The following ZBTB2 variants were observed in gnomAD, a reference collection of about 807,000 sequenced individuals.
ZBTB2 encodes zinc finger and BTB domain containing 2, also known as zinc finger and BTB domain-containing protein 2.
A neutral mutation model predicts 39.5 loss-of-function variants in ZBTB2; 2 were observed. The observed-to-expected ratio is 0.05, with a 90% CI of 0.02 to 0.16. The LOEUF is 0.16. ZBTB2 is among the 10% of genes least tolerant of loss of function. The probability of loss-of-function intolerance (pLI) is 1.00; values close to 1 mark genes in which losing one functional copy is unlikely to be tolerated. For synonymous variants in ZBTB2, 251 were observed against 256.6 expected, an observed-to-expected ratio of 0.98 and a Z score of 0.21; for missense variants, 391 against 653.0, an observed-to-expected ratio of 0.60 and a Z score of 4.37.
chr6:151,377,369 ATT>A (rs754374133), intron 1 of ZBTB2, among the ~76,000 whole-genome samples: 11 of 138,668 alleles, frequency 7.9e-5, no homozygotes, highest in Non-Finnish European at 7.9e-5. Context: ...ATAAAGTTCA[ATT>A]TTTTTTTTTT....
At chr6:151,390,319 T>G (rs1197090246) in intron 1 of ZBTB2, among the ~76,000 whole-genome samples, 2 of 136,390 alleles carry the variant, frequency 1.5e-5, no homozygotes, top group South Asian at 2.3e-4. Flanking sequence ...CGGGGCCCTC[T>G]GGCCCCCTCC....
Position 151,366,108 on chromosome 6 carries a change from G to A in ZBTB2, c.958C>T (p.Leu320=), listed in dbSNP as rs954261797. Residue 320 remains leucine, a synonymous_variant, in exon 3 of 3, where the codon CTG becomes TTG. Transcript: ENST00000325144. The surrounding 1 kb of genome is among the most constrained non-coding windows in gnomAD (Gnocchi z 7.1). ...ATGGGAGAATCAGAGATGTGCTGCA[G>A]CTCACTGTCACTTATCATCCCGGCT... ...PEAGMISDSE[L]QHISDSPIID... 4 of 1,614,190 alleles carry A rather than the reference G, an allele frequency of 2.5e-6. No individual in the cohort carries two copies. The highest frequency in any genetic ancestry group is 2.5e-6 in the Non-Finnish European group (3 of 1,180,032).
chr6:151,365,971 G>A lies in ZBTB2; in HGVS notation c.1095C>T (p.Cys365=). 2 of 1,614,166 alleles carry A rather than the reference G, an allele frequency of 1.2e-6. No individual in the cohort carries two copies. Among genetic ancestry groups the A allele is most frequent in the African/African-American group, 1.3e-5 (1 of 75,042 alleles). ...EREVKRRKYE[C]TICGRKFIQK... is the part of the protein sequence containing the mutation. ...GGATAAATTTGCGTCCACATATTGTGCACTCGTACTTCCGCCTCTTCACCT... is the reference window on the plus strand; with the variant it reads ...GGATAAATTTGCGTCCACATATTGTACACTCGTACTTCCGCCTCTTCACCT... The change falls in exon 3 of 3, where the codon TGC becomes TGT. Residue 365 remains cysteine, a synonymous_variant. Coordinates refer to ENST00000325144, the MANE Select transcript of ZBTB2 (RefSeq NM_020861.3). This position sits in a 1 kb window ranked among gnomAD's most constrained non-coding sequence, Gnocchi z 5.6.
chr6:151,371,333 TAAC>T (rs1185465823), intron 2 of ZBTB2, among the ~76,000 whole-genome samples: 3 of 152,130 alleles, frequency 2.0e-5, no homozygotes, highest in South Asian at 2.1e-4. Context: ...GGTACACACA[TAAC>T]AACATAGGGG....
intron 1 of ZBTB2, among the ~76,000 whole-genome samples, chr6:151,383,383 C>A (rs1197734162): frequency 6.6e-6 from 1 of 152,022 alleles, no homozygotes; most frequent in African/African-American, 2.4e-5. Context: ...GTGAGCTCTA[C>A]GAATGGATCA....
chr6:151,373,742 G>T, intron 1 of ZBTB2, 93 bp from the exon 2 acceptor site: 1 of 1,105,184 alleles, frequency 9.0e-7, no homozygotes, highest in Non-Finnish European at 1.2e-6. Flanking sequence ...TAGCTAACAT[G>T]TCATCATAGC....
At chr6:151,388,905 G>A (rs1475224504) in intron 1 of ZBTB2, among the ~76,000 whole-genome samples, 1 of 152,164 alleles carries the variant, frequency 6.6e-6, no homozygotes, top group Admixed American at 6.5e-5. Context: ...TATGCACTGG[G>A]ACTGTAGGAC....
chr6:151,389,870 T>G (rs975666282), intron 1 of ZBTB2, among the ~76,000 whole-genome samples: 2 of 152,092 alleles, frequency 1.3e-5, no homozygotes, highest in Non-Finnish European at 2.9e-5. Flanking sequence ...TACTACCAGC[T>G]AAAAGCGGCA....
In ZBTB2 at chr6:151,365,735, G is replaced by A. The variant is rs765110554; in HGVS notation, c.1331C>T (p.Thr444Ile). The change falls in exon 3 of 3, where the codon ACA (threonine) becomes ATA (isoleucine). Residue 444 changes from threonine to isoleucine, a missense_variant. Physicochemically the swap from Thr to Ile is moderately conservative, Grantham distance 89. Coordinates refer to ENST00000325144, the MANE Select transcript of ZBTB2 (RefSeq NM_020861.3). This position sits in a 1 kb window ranked among gnomAD's most constrained non-coding sequence, Gnocchi z 5.6. ...GSQMDNMLVQ[T>I]NKPYKCNLCD... The stretch of plus-strand genomic sequence containing the variant: ...CAAGTTGCATTTGTAGGGTTTGTTT[G>A]TTTGCACCAGCATGTTGTCCATCTG... 4 of 1,614,224 alleles carry A rather than the reference G, an allele frequency of 2.5e-6. No homozygotes were observed. The highest frequency in any genetic ancestry group is 3.4e-6 in the Non-Finnish European group (4 of 1,180,050).
chr6:151,385,574 C>T (rs956730866), intron 1 of ZBTB2, among the ~76,000 whole-genome samples: 1 of 152,196 alleles, frequency 6.6e-6, no homozygotes, highest in South Asian at 2.1e-4. Flanking sequence ...AATAGCTGTT[C>T]TAAGACACTA....
rs1248432511 is a variant in ZBTB2 at position 151,366,016 on chromosome 6, C to A, written c.1050G>T (p.Glu350Asp). 1 of 1,614,072 alleles carries A rather than the reference C, an allele frequency of 6.2e-7. No homozygotes were observed. Among genetic ancestry groups the A allele is most frequent in the African/African-American group, 1.3e-5 (1 of 74,924 alleles). Reference sequence around the variant, plus strand: ...TCACCTCCCTCTCCTGGTCGGCCTGCTCCAGGTTGTCAATGTCAGCAATGT... The same window carrying A: ...TCACCTCCCTCTCCTGGTCGGCCTGATCCAGGTTGTCAATGTCAGCAATGT... ...PSDIADIDNLEQADQEREVKR... is the reference protein window; with the variant it reads ...PSDIADIDNLDQADQEREVKR... The change falls in exon 3 of 3, where the codon GAG becomes GAT. Residue 350 changes from glutamate to aspartate, a missense_variant. Physicochemically the swap from Glu to Asp is conservative, Grantham distance 45. This residue lies in a region of ZBTB2 where 17 missense variants were observed against 67.6 expected (regional missense o/e 0.25). Coordinates refer to ENST00000325144, the MANE Select transcript of ZBTB2 (RefSeq NM_020861.3). The surrounding 1 kb of genome is among the most constrained non-coding windows in gnomAD (Gnocchi z 7.1).
At chr6:151,370,837 A>G (rs1291381047) in intron 2 of ZBTB2, among the ~76,000 whole-genome samples, 5 of 152,216 alleles carry the variant, frequency 3.3e-5, no homozygotes, top group Admixed American at 6.5e-5. Context: ...CTGCACTAGG[A>G]GGCAGGCAAA....
chr6:151,373,487 T>C lies in ZBTB2; in HGVS notation c.151A>G (p.Met51Val). ...VLASFSNYFK[M>V]LFVHQTSECV... ...TACCTGGTCTGATGGACAAACAACATCTTAAAGTAATTGGAGAATGAAGCA... is the reference window on the plus strand; with the variant it reads ...TACCTGGTCTGATGGACAAACAACACCTTAAAGTAATTGGAGAATGAAGCA... Residue 51 changes from methionine to valine, a missense_variant, in exon 2 of 3, where the codon ATG becomes GTG. Around this residue, in one of 7 missense-constraint regions of ZBTB2, gnomAD observed 38 missense variants for 109.2 expected, o/e 0.35. Transcript: ENST00000325144. The C allele has an allele frequency of 1.9e-6, 3 of 1,614,094 alleles. No individual in the cohort carries two copies. Among genetic ancestry groups the C allele is most frequent in the Non-Finnish European group, 2.5e-6 (3 of 1,180,010 alleles).
chr6:151,376,479 T>A (rs1339727783), intron 1 of ZBTB2, among the ~76,000 whole-genome samples: 1 of 152,026 alleles, frequency 6.6e-6, no homozygotes, highest in Non-Finnish European at 1.5e-5. Flanking sequence ...CTGGAATATA[T>A]AAAGAACTTT....
Position 151,366,571 on chromosome 6 carries a change from C to T in ZBTB2, c.495G>A (p.Arg165=). Residue 165 remains arginine (R), a synonymous_variant, in exon 3 of 3, where the codon AGG becomes AGA. Transcript: ENST00000325144. The surrounding 1 kb of genome is among the most constrained non-coding windows in gnomAD (Gnocchi z 7.1). Reference sequence around the variant, plus strand: ...CCTCAGGGACCTGCTCCTGGCTTATCCTGGAGGTCTGTGGCCGTGGATCTC... The same window carrying T: ...CCTCAGGGACCTGCTCCTGGCTTATTCTGGAGGTCTGTGGCCGTGGATCTC... ...LGRDPRPQTS[R]ISQEQVPEAS... is the part of the protein sequence containing the mutation. The T allele has an allele frequency of 6.2e-7, 1 of 1,614,050 alleles. No individual in the cohort carries two copies. Among genetic ancestry groups the T allele is most frequent in the Admixed American group, 1.7e-5 (1 of 59,998 alleles).
intron 1 of ZBTB2, chr6:151,378,131 G>A (rs1008597994): frequency 6.6e-6 from 1 of 152,122 alleles, no homozygotes; most frequent in African/African-American, 2.4e-5. Flanking sequence ...GCAGGTGCTG[G>A]ACTCCCTACT....
Position 151,366,622 on chromosome 6 carries a change from A to C in ZBTB2, c.444T>G (p.Ile148Met), listed in dbSNP as rs772365166. ...ADHQLRQATK[I>M]ASAPEKLGRD... is the part of the protein sequence containing the mutation. ...GCCCGAGTTTTTCAGGTGCTGAAGCAATCTTGGTGGCTTGTCTCAACTGAT... is the reference window on the plus strand; with the variant it reads ...GCCCGAGTTTTTCAGGTGCTGAAGCCATCTTGGTGGCTTGTCTCAACTGAT... Residue 148 changes from isoleucine (I) to methionine (M), a missense_variant, in exon 3 of 3, where the codon ATT (isoleucine) becomes ATG (methionine). Ile to Met is a conservative substitution (Grantham distance 10). This residue lies in a region of ZBTB2 where 175 missense variants were observed against 198.6 expected (regional missense o/e 0.88). Transcript: ENST00000325144. This position sits in a 1 kb window ranked among gnomAD's most constrained non-coding sequence, Gnocchi z 7.1. 6.2e-7 allele frequency: 1 copy of C among 1,614,028 alleles called. No homozygotes were observed. The highest frequency in any genetic ancestry group is 2.2e-5 in the East Asian group (1 of 44,880).
chr6:151,391,364 GGCTGGGGGTGGCACGTGGGCACC>G (rs1487495015), intron 1 of ZBTB2, 33 bp downstream of exon 1: 2 of 151,818 alleles, frequency 1.3e-5, no homozygotes, highest in Non-Finnish European at 2.9e-5. Context: ...CCGGACCCTG[GGCTGGGGGTGGCACGTGGGCACC>G]GGCCCCGGGA....
At chr6:151,389,994 G>A (rs541067057) in intron 1 of ZBTB2, among the ~76,000 whole-genome samples, 38 of 151,430 alleles carry the variant, frequency 2.5e-4, no homozygotes, top group African/African-American at 7.7e-4. Flanking sequence ...GCCCCGGGAA[G>A]CAGCCTCCCC....
Sources: gnomAD v4.1 joint callset for allele counts (sites outside exome capture counted in the v4.1 genomes callset) on GRCh38, gnomAD v4.1.1 for gene constraint, gnomAD v4.1.1 regional missense constraint, Gnocchi (gnomAD v3.1) non-coding constraint, MANE v1.5 for transcripts, NCBI Gene and HGNC (gene_info 2026-07-23, HGNC 2026-07-21) for gene names.